The following EXT1 variants were observed in gnomAD, a reference collection of about 807,000 sequenced individuals.
EXT1 encodes exostosin-1.
EXT1 carries 20 observed loss-of-function variants against 82.5 expected under a neutral mutation model. The observed-to-expected ratio is 0.24, with a 90% confidence interval of 0.17 to 0.35. EXT1 has a LOEUF of 0.35. Among genes scored for constraint, EXT1 ranks in the 10% least tolerant of loss-of-function variants. The pLI is 1.00. For synonymous variants in EXT1, 348 were observed against 350.8 expected (o/e 0.99, Z 0.09); for missense variants, 757 against 936.5 (o/e 0.81, Z 2.50).
chr8:118,086,897 T>G (rs1483245367), intron 1 of EXT1, among the ~76,000 whole-genome samples: 1 of 152,156 alleles, frequency 6.6e-6, no homozygotes, highest in East Asian at 1.9e-4. Flanking sequence ...TTTCTGAAAC[T>G]TCCCTCCTCC....
chr8:117,968,833 T>A (rs1481770527), intron 1 of EXT1, among the ~76,000 whole-genome samples: 3 of 64,480 alleles, frequency 4.7e-5, no homozygotes, highest in Non-Finnish European at 7.5e-5. Flanking sequence ...CCTCCCAAAG[T>A]GCTGGGATTA....
intron 1 of EXT1, among the ~76,000 whole-genome samples, chr8:118,042,687 C>G (rs1816554734): frequency 6.6e-6 from 1 of 152,170 alleles, no homozygotes; most frequent in South Asian, 2.1e-4. Context: ...TCCTGAAATA[C>G]CTGGTATATT....
At chr8:118,045,744 C>G (rs1454764467) in intron 1 of EXT1, among the ~76,000 whole-genome samples, 4 of 151,800 alleles carry the variant, frequency 2.6e-5, no homozygotes, top group African/African-American at 4.8e-5. Context: ...ATTGCAGCTG[C>G]CTTCTTACTA....
In EXT1 at chr8:118,069,330, G is replaced by C. The variant is rs188489359; in HGVS notation, c.962+40755C>G. Among the ~76,000 whole-genome samples, 6 of 152,266 alleles carry C rather than the reference G, an allele frequency of 3.9e-5. No individual in the cohort carries two copies. In the East Asian group the frequency reaches 1.2e-3, roughly 29 times the overall value. The stretch of plus-strand genomic sequence containing the variant: ...ATCAAAGAGTGGTCTCACTCTAGCA[G>C]TGTGAATCACTAATAGCACCCTCCC... On this transcript the variant is annotated intron_variant, in intron 1 of 10. Transcript: ENST00000378204.
rs1381591490 is a variant in EXT1, at chr8:117,809,174, T to A, written c.1723-1797A>T. Among the ~76,000 whole-genome samples, 3 of 148,518 alleles carry A rather than the reference T, an allele frequency of 2.0e-5. No individual in the cohort carries two copies. In the South Asian group the frequency reaches 6.4e-4, roughly 32 times the overall value. ...CTCAGTGTATGTATGTATGTATGTA[T>A]GTATGTGCATGTGTGTAGGTATATA... On this transcript the variant is annotated intron_variant, in intron 8 of 10. Coordinates refer to ENST00000378204, the MANE Select transcript of EXT1 (RefSeq NM_000127.3).
chr8:118,012,225 C>T (rs1219739159), intron 1 of EXT1, among the ~76,000 whole-genome samples: 1 of 152,236 alleles, frequency 6.6e-6, no homozygotes, highest in Non-Finnish European at 1.5e-5. Context: ...CGGTGCAAAG[C>T]GATCCTGTGA....
intron 1 of EXT1, among the ~76,000 whole-genome samples, chr8:118,078,951 A>C (rs1313186381): frequency 6.6e-6 from 1 of 152,240 alleles, no homozygotes; most frequent in Non-Finnish European, 1.5e-5. Flanking sequence ...ACACGAGTTA[A>C]GATTTTAAGT....
intron 1 of EXT1, among the ~76,000 whole-genome samples, chr8:118,093,250 C>T (rs1330955719): frequency 7.8e-6 from 1 of 127,942 alleles, no homozygotes; most frequent in African/African-American, 2.9e-5. Context: ...ACACCACATG[C>T]TCCAGAAAAA....
chr8:118,079,045 AT>A (rs915683736), intron 1 of EXT1, among the ~76,000 whole-genome samples: 2 of 152,222 alleles, frequency 1.3e-5, no homozygotes, highest in Non-Finnish European at 2.9e-5. Flanking sequence ...TGCTATAAAA[AT>A]GTTACTAAAA....
chr8:117,821,574 G>A (rs1005052071), intron 5 of EXT1, among the ~76,000 whole-genome samples: 3 of 152,188 alleles, frequency 2.0e-5, no homozygotes, highest in African/African-American at 7.2e-5. Context: ...ATTAAAAGGT[G>A]CTTTGTCACT....
intron 10 of EXT1, among the ~76,000 whole-genome samples, chr8:117,802,513 G>C (rs1586988262): frequency 6.6e-6 from 1 of 152,112 alleles, no homozygotes; most frequent in African/African-American, 2.4e-5. Flanking sequence ...ACTGCCTACA[G>C]TATTCAGTAC....
chr8:118,084,664 G>A lies in EXT1; in HGVS notation c.962+25421C>T, dbSNP rs114214380. ...GAAAAGTGCTTAAGTGACTCTGGGA[G>A]CACAGTCCAGGCTGAGACCTAGGGC... On this transcript the variant is annotated intron_variant, in intron 1 of 10. Transcript: ENST00000378204. Among the ~76,000 whole-genome samples, 703 of 152,306 alleles carry A rather than the reference G, an allele frequency of 4.6e-3. 5 individuals are homozygous for A. Among genetic ancestry groups the A allele is most frequent in the African/African-American group, 0.016 (674 of 41,556 alleles).
chr8:117,858,769 GC>G (rs1190232278), intron 1 of EXT1, among the ~76,000 whole-genome samples: 18 of 97,524 alleles, frequency 1.8e-4, no homozygotes, highest in East Asian at 3.6e-4. Context: ...AGGAAGGAAG[GC>G]AGGCAGGCAG....
chr8:117,965,993 TACACAC>T (rs35638588), intron 1 of EXT1, among the ~76,000 whole-genome samples: 1 of 150,478 alleles, frequency 6.6e-6, no homozygotes, highest in African/African-American at 2.4e-5. Flanking sequence ...TACATGCATA[TACACAC>T]ACACACACAC....
chr8:117,846,797 C>T (rs17474762), intron 1 of EXT1, among the ~76,000 whole-genome samples: 2,408 of 152,210 alleles, frequency 0.016, 57 homozygotes, highest in African/African-American at 0.051. Context: ...GGGTGGGCAG[C>T]GCAGTGTGTC....
intron 9 of EXT1, 54 bp from the exon 10 acceptor site, chr8:117,804,947 T>C (rs1238568012): frequency 8.2e-6 from 13 of 1,580,016 alleles, no homozygotes; most frequent in Non-Finnish European, 8.7e-6. Flanking sequence ...TGATGACAAG[T>C]GGACTTCTGA....
In EXT1 at chr8:117,965,184, G is replaced by A. The variant is rs558659045; in HGVS notation, c.963-127983C>T. 2.0e-5 allele frequency among the ~76,000 whole-genome samples: 3 copies of A among 151,922 alleles called. No individual in the cohort carries two copies. The East Asian group carries it at 5.8e-4, about 30-fold the overall frequency. ...GAAAGACACAACCAGCGTATCCTCT[G>A]GAACTTGAAAATAAAGATAAAACAT... On this transcript the variant is annotated intron_variant, in intron 1 of 10. Transcript: ENST00000378204.
intron 1 of EXT1, among the ~76,000 whole-genome samples, chr8:117,870,216 G>A (rs1812845295): frequency 6.6e-6 from 1 of 152,192 alleles, no homozygotes; most frequent in Non-Finnish European, 1.5e-5. Context: ...GAAGGAATTA[G>A]ATGTGATAAT....
intron 1 of EXT1, among the ~76,000 whole-genome samples, chr8:117,899,679 T>C (rs944771216): frequency 2.6e-5 from 4 of 152,178 alleles, no homozygotes; most frequent in Admixed American, 6.5e-5. Flanking sequence ...AACTGAAGAT[T>C]ACATCTCAAA....
Sources: gnomAD v4.1 joint callset for allele counts (sites outside exome capture counted in the v4.1 genomes callset) on GRCh38, gnomAD v4.1.1 for gene constraint, MANE v1.5 for transcripts, NCBI Gene and HGNC (gene_info 2026-07-23, HGNC 2026-07-21) for gene names.